Variants in PPP2R2B observed in about 807,000 individuals in gnomAD.
PPP2R2B encodes the protein protein phosphatase 2 regulatory subunit Bbeta, also known as serine/threonine-protein phosphatase 2A 55 kDa regulatory subunit B beta isoform.
In PPP2R2B, 5 loss-of-function variants were observed where a neutral mutation model predicts 46.0. The ratio of observed to expected loss-of-function variants is 0.11; its 90% CI spans 0.06 to 0.23. The LOEUF (loss-of-function observed/expected upper bound fraction) is 0.23, where lower values mean the gene tolerates loss of function less well. PPP2R2B is among the 10% of genes least tolerant of loss of function. The pLI is 1.00. For synonymous variants in PPP2R2B, 215 were observed against 206.7 expected, an observed-to-expected ratio of 1.04 and a Z score of -0.34; for missense variants, 367 against 575.0, an observed-to-expected ratio of 0.64 and a Z score of 3.70.
intron 2 of PPP2R2B, among the ~76,000 whole-genome samples, chr5:146,748,254 CTT>C (rs559841982): frequency 6.7e-6 from 1 of 148,558 alleles, no homozygotes; most frequent in Non-Finnish European, 1.5e-5. Context: ...AAAGCTTGTA[CTT>C]TTTTTTTTAG....
At chr5:146,864,343 T>A (rs1761182047) in intron 2 of PPP2R2B, among the ~76,000 whole-genome samples, 2 of 150,560 alleles carry the variant, frequency 1.3e-5, no homozygotes, top group South Asian at 4.2e-4. Context: ...AAAGTCTAAT[T>A]TTTTTCAGAT....
intron 2 of PPP2R2B, among the ~76,000 whole-genome samples, chr5:146,704,232 C>T (rs1173639008): frequency 3.3e-5 from 5 of 152,198 alleles, no homozygotes; most frequent in African/African-American, 1.2e-4. Flanking sequence ...TACAAATACT[C>T]TTGTGTTTGC....
At chr5:147,007,435 C>A (rs551130191) in intron 1 of PPP2R2B, among the ~76,000 whole-genome samples, 62 of 152,232 alleles carry the variant, frequency 4.1e-4, no homozygotes, top group Middle Eastern at 6.8e-3. Flanking sequence ...TTTGTAAATG[C>A]ACCAATCAGC....
intron 7 of PPP2R2B, 123 bp from the exon 8 acceptor site, chr5:146,600,583 A>G (rs1200155926): frequency 1.1e-6 from 1 of 917,484 alleles, no homozygotes; most frequent in East Asian, 2.6e-5. Flanking sequence ...GTGTCTGCAG[A>G]ATGTAAGTTG....
chr5:146,954,127 A>G (rs1327265813), intron 1 of PPP2R2B, among the ~76,000 whole-genome samples: 1 of 79,206 alleles, frequency 1.3e-5, no homozygotes, highest in Non-Finnish European at 3.2e-5. Flanking sequence ...TTACCAAGAG[A>G]CTTTTTTTTT....
intron 2 of PPP2R2B, among the ~76,000 whole-genome samples, chr5:146,732,155 T>C (rs528030818): frequency 6.6e-6 from 1 of 152,182 alleles, no homozygotes; most frequent in Non-Finnish European, 1.5e-5. Flanking sequence ...CACTCATTTA[T>C]TCTGCTTCTA....
intron 1 of PPP2R2B, among the ~76,000 whole-genome samples, chr5:146,999,778 C>G (rs1561566722): frequency 6.6e-6 from 1 of 152,192 alleles, no homozygotes; most frequent in Non-Finnish European, 1.5e-5. Context: ...GGGCCCCAAA[C>G]TCACAGATAA....
chr5:146,845,776 T>C (rs1438449528), intron 2 of PPP2R2B, among the ~76,000 whole-genome samples: 2 of 152,184 alleles, frequency 1.3e-5, no homozygotes, highest in Non-Finnish European at 2.9e-5. Flanking sequence ...CTGTTTCCCA[T>C]GTGCATGTAC....
intron 2 of PPP2R2B, among the ~76,000 whole-genome samples, chr5:146,861,695 C>T (rs319233): frequency 0.48 from 73,368 of 152,008 alleles, 19,320 homozygotes; most frequent in East Asian, 0.72. Flanking sequence ...TAGAAGTTAC[C>T]TAAAATTTCA....
chr5:147,039,076 C>T (rs757028126), intron 1 of PPP2R2B, among the ~76,000 whole-genome samples: 19 of 152,158 alleles, frequency 1.2e-4, no homozygotes, highest in Non-Finnish European at 2.2e-4. Flanking sequence ...GTCCTCTGTG[C>T]TTGCAGGTCC....
At chr5:146,616,072 C>G (rs905687868) in intron 7 of PPP2R2B, among the ~76,000 whole-genome samples, 1 of 152,032 alleles carries the variant, frequency 6.6e-6, no homozygotes, top group Non-Finnish European at 1.5e-5. Flanking sequence ...AACCCAGAAA[C>G]AAATCTGTAT....
At chr5:146,947,475 G>A (rs934923067) in intron 1 of PPP2R2B, among the ~76,000 whole-genome samples, 6 of 152,050 alleles carry the variant, frequency 3.9e-5, no homozygotes, top group Non-Finnish European at 8.8e-5. Flanking sequence ...TGTCTCAGTC[G>A]CTGAGCTTGG....
intron 4 of PPP2R2B, among the ~76,000 whole-genome samples, chr5:146,696,945 T>C (rs150087552): frequency 6.6e-6 from 1 of 152,224 alleles, no homozygotes; most frequent in Non-Finnish European, 1.5e-5. Flanking sequence ...AAGTTGCCCA[T>C]ACTGCACAAA....
chr5:146,769,791 G>A (rs1044350931), intron 2 of PPP2R2B, among the ~76,000 whole-genome samples: 2 of 152,112 alleles, frequency 1.3e-5, no homozygotes, highest in Admixed American at 1.3e-4. Context: ...AGAACTTATA[G>A]ACAAGTGAGA....
chr5:146,847,765 C>T (rs1422986744), intron 2 of PPP2R2B, among the ~76,000 whole-genome samples: 4 of 152,190 alleles, frequency 2.6e-5, no homozygotes, highest in Non-Finnish European at 5.9e-5. Context: ...TTCAGGAAAA[C>T]TCCCTAAGGT....
chr5:146,800,257 A>T (rs935219754), intron 2 of PPP2R2B, among the ~76,000 whole-genome samples: 1 of 152,152 alleles, frequency 6.6e-6, no homozygotes, highest in African/African-American at 2.4e-5. Flanking sequence ...TGTACTGATT[A>T]CCTATCTATG....
chr5:146,600,608 T>C (rs1771688593), intron 7 of PPP2R2B, 148 bp from the exon 8 acceptor site: 1 of 759,764 alleles, frequency 1.3e-6, no homozygotes, highest in African/African-American at 1.8e-5. Context: ...TAGAGAACTG[T>C]CATCTCTCTG....
intron 1 of PPP2R2B, among the ~76,000 whole-genome samples, chr5:146,917,177 C>G (rs1763419158): frequency 6.6e-6 from 1 of 152,142 alleles, no homozygotes; most frequent in African/African-American, 2.4e-5. Flanking sequence ...GTGGCAAAAG[C>G]AAGCTGCATC....
At position 146,878,156 on chromosome 5, in the gene PPP2R2B, G is replaced by C. The variant is rs571642154; in HGVS notation, c.-85C>G. 54 of 1,607,254 alleles carry C rather than the reference G, an allele frequency of 3.4e-5. 1 individual carries two copies. In the Admixed American group the frequency reaches 3.9e-4, roughly 12 times the overall value. ...CCCCGCAGCCAGTCTCACAGGAGAG[G>C]GGGGCAGGGGAGCCAGTGGGACTGC... On this transcript the variant is annotated 5_prime_UTR_variant, in exon 2 of 10. Transcript: ENST00000394411. This position sits in a 1 kb window ranked among gnomAD's most constrained non-coding sequence, Gnocchi z 4.5.
Sources: allele counts gnomAD v4.1 joint callset (sites outside exome capture counted in the v4.1 genomes callset), GRCh38; gene constraint gnomAD v4.1.1; non-coding constraint Gnocchi (gnomAD v3.1); transcripts MANE v1.5; gene names NCBI Gene and HGNC (gene_info 2026-07-23, HGNC 2026-07-21).